The following PTDSS2 variants were observed in gnomAD, a reference collection of about 807,000 sequenced individuals.
PTDSS2 encodes the protein phosphatidylserine synthase 2, also known as PSS-2.
PTDSS2 carries 41 observed loss-of-function variants against 64.7 expected under a neutral mutation model. That is an observed-to-expected ratio of 0.63 (90% CI 0.49 to 0.82). The LOEUF is 0.82. PTDSS2 is among the 40% of genes least tolerant of loss of function. The pLI is 0.00. For synonymous variants in PTDSS2, 297 were observed against 277.8 expected, an observed-to-expected ratio of 1.07 and a Z score of -0.69; for missense variants, 485 against 650.0, an observed-to-expected ratio of 0.75 and a Z score of 2.76.
rs775006494 is a variant in PTDSS2, at chr11:487,013, C to A, written c.510C>A (p.Tyr170Ter). The A allele has an allele frequency of 1.9e-6, 3 of 1,613,544 alleles. No individual in the cohort carries two copies. The highest frequency in any genetic ancestry group is 2.5e-6 in the Non-Finnish European group (3 of 1,179,952). The change falls in exon 5 of 12, where the codon TAC (tyrosine) becomes TAA (stop). Residue 170 changes from tyrosine (Y) to a stop codon, truncating the protein, a stop_gained. Coordinates refer to ENST00000308020, the MANE Select transcript of PTDSS2 (RefSeq NM_030783.3). LOFTEE classifies it high-confidence loss of function. Reference sequence around the variant, plus strand: ...GAGTCCCACTGCCAGAGAGAGACTACGGGGGAAACTGCCTCATCTACGACC... The same window carrying A: ...GAGTCCCACTGCCAGAGAGAGACTAAGGGGGAAACTGCCTCATCTACGACC... ...KLGVPLPERD[Y>*]GGNCLIYDPD...
At chr11:471,696 G>T (rs1847449106) in intron 2 of PTDSS2, among the ~76,000 whole-genome samples, 1 of 145,992 alleles carries the variant, frequency 6.8e-6, no homozygotes, top group African/African-American at 2.5e-5. Flanking sequence ...GCGCCTGTCG[G>T]GCGGATGGTG....
intron 2 of PTDSS2, 103 bp from the exon 3 acceptor site, chr11:473,791 CA>C: frequency 1.1e-6 from 1 of 896,868 alleles, no homozygotes; most frequent in South Asian, 1.3e-5. Context: ...GCCCCAGCAT[CA>C]GGGGCTGTTC....
At chr11:473,778 C>T in intron 2 of PTDSS2, 117 bp from the exon 3 acceptor site, 1 of 824,212 alleles carries the variant, frequency 1.2e-6, no homozygotes, top group South Asian at 1.4e-5. Flanking sequence ...GCCCCTTCCT[C>T]CCGCCCCAGC....
intron 2 of PTDSS2, among the ~76,000 whole-genome samples, chr11:471,257 G>A (rs776690944): frequency 1.3e-5 from 2 of 151,780 alleles, no homozygotes; most frequent in Non-Finnish European, 2.9e-5. Flanking sequence ...CACCACACCT[G>A]GCTAATTTCT....
In PTDSS2 at chr11:460,705, G is replaced by A. The variant is rs1034582736; in HGVS notation, c.284+417G>A. ...CGGGGCTCTTGCACGGACAGGGGCCGACACGGACCGCAGACCATCTGGTCA... is the reference window on the plus strand; with the variant it reads ...CGGGGCTCTTGCACGGACAGGGGCCAACACGGACCGCAGACCATCTGGTCA... On this transcript the variant is annotated intron_variant, in intron 2 of 11. Transcript: ENST00000308020. This position sits in a 1 kb window ranked among gnomAD's most constrained non-coding sequence, Gnocchi z 5.8. 6.3e-5 allele frequency: 11 copies of A among 174,188 alleles called. No individual in the cohort carries two copies. Among genetic ancestry groups the A allele is most frequent in the Non-Finnish European group, 3.7e-5 (3 of 81,014 alleles). 10.8% of individuals were successfully genotyped at this position (174,188 alleles called of 1,614,324 possible).
intron 1 of PTDSS2, among the ~76,000 whole-genome samples, chr11:456,658 C>T (rs919199132): frequency 4.6e-5 from 7 of 152,164 alleles, no homozygotes; most frequent in African/African-American, 1.2e-4. Context: ...CAGGAGGACA[C>T]GTTCTGTAAG....
intron 2 of PTDSS2, chr11:464,020 C>T (rs1382345347): frequency 1.3e-5 from 2 of 151,364 alleles, no homozygotes; most frequent in Non-Finnish European, 2.9e-5. Context: ...GGGTCGTGCT[C>T]TGTTGCCCAG....
chr11:479,327 T>C lies in PTDSS2; in HGVS notation c.435+175T>C. The C allele has an allele frequency of 1.5e-6, 1 of 664,868 alleles. No individual in the cohort carries two copies. The highest frequency in any genetic ancestry group is 2.7e-6 in the Non-Finnish European group (1 of 372,620). 41.2% of individuals were successfully genotyped at this position (664,868 alleles called of 1,614,324 possible). Reference sequence around the variant, plus strand: ...TCTCCAGGAGCATCTGTGCGGCCCTTGAGTGATGGGGGGCAGCAAAGCTAG... The same window carrying C: ...TCTCCAGGAGCATCTGTGCGGCCCTCGAGTGATGGGGGGCAGCAAAGCTAG... On this transcript the variant is annotated intron_variant, in intron 4 of 11. Coordinates refer to ENST00000308020, the MANE Select transcript of PTDSS2 (RefSeq NM_030783.3). The surrounding 1 kb of genome is among the most constrained non-coding windows in gnomAD (Gnocchi z 4.2).
chr11:484,261 G>A (rs1035856580), intron 4 of PTDSS2, among the ~76,000 whole-genome samples: 1 of 152,142 alleles, frequency 6.6e-6, no homozygotes, highest in Non-Finnish European at 1.5e-5. Flanking sequence ...TTGGCTTTTC[G>A]TTTTGTTTTT....
At chr11:473,836 CA>C in intron 2 of PTDSS2, 58 bp from the exon 3 acceptor site, 1 of 1,340,430 alleles carries the variant, frequency 7.5e-7, no homozygotes, top group Admixed American at 1.7e-5. Flanking sequence ...TGCAGCCTCC[CA>C]CCTCCCTCCT....
chr11:475,569 G>A (rs373593865), intron 3 of PTDSS2, among the ~76,000 whole-genome samples: 7 of 152,000 alleles, frequency 4.6e-5, no homozygotes, highest in Admixed American at 6.6e-5. Flanking sequence ...ACATATTCAC[G>A]CGTTTGTGTG....
chr11:460,705 G>T lies in PTDSS2; in HGVS notation c.284+417G>T, dbSNP rs1034582736. 5.2e-5 allele frequency: 9 copies of T among 174,188 alleles called. No homozygotes were observed. Among genetic ancestry groups the T allele is most frequent in the African/African-American group, 2.1e-4 (9 of 42,312 alleles). 10.8% of individuals were successfully genotyped at this position (174,188 alleles called of 1,614,324 possible). A position where few individuals can be genotyped will look rare whatever the true frequency, so the allele number is the denominator to read the frequency against. On this transcript the variant is annotated intron_variant, in intron 2 of 11. Coordinates refer to ENST00000308020, the MANE Select transcript of PTDSS2 (RefSeq NM_030783.3). The surrounding 1 kb of genome is among the most constrained non-coding windows in gnomAD (Gnocchi z 5.8). ...CGGGGCTCTTGCACGGACAGGGGCC[G>T]ACACGGACCGCAGACCATCTGGTCA... is the stretch of plus-strand genomic sequence containing the variant.
At chr11:466,295 G>A (rs1328778758) in intron 2 of PTDSS2, among the ~76,000 whole-genome samples, 3 of 152,044 alleles carry the variant, frequency 2.0e-5, no homozygotes, top group Non-Finnish European at 4.4e-5. Context: ...TGCTGGGGAG[G>A]CCTCAGGAAA....
chr11:489,549 C>A, intron 9 of PTDSS2, 35 bp downstream of exon 9: 1 of 1,608,538 alleles, frequency 6.2e-7, no homozygotes, highest in Non-Finnish European at 8.5e-7. Flanking sequence ...GCGCGGCGGG[C>A]GGGGGGCCAG....
chr11:453,984 C>T (rs1846468427), intron 1 of PTDSS2, among the ~76,000 whole-genome samples: 1 of 152,208 alleles, frequency 6.6e-6, no homozygotes, highest in Non-Finnish European at 1.5e-5. Context: ...AGTCTGCAGG[C>T]GGGTGGGAGG....
chr11:487,957 C>T (rs973189141), intron 6 of PTDSS2, among the ~76,000 whole-genome samples: 10 of 152,330 alleles, frequency 6.6e-5, no homozygotes, highest in Admixed American at 2.6e-4. Context: ...CCAGTGCTGT[C>T]GACTCCAAGA....
Position 490,633 on chromosome 11 carries a change from C to T in PTDSS2, c.*51C>T, listed in dbSNP as rs748634012. The T allele has an allele frequency of 2.6e-6, 4 of 1,517,146 alleles. No homozygotes were observed. Among genetic ancestry groups the T allele is most frequent in the Non-Finnish European group, 3.6e-6 (4 of 1,126,674 alleles). 94.0% of individuals were successfully genotyped at this position (1,517,146 alleles called of 1,614,324 possible). On this transcript the variant is annotated 3_prime_UTR_variant, in exon 12 of 12. Transcript: ENST00000308020. Reference sequence around the variant, plus strand: ...CTCCCAGAGCCCAGGCCTCCGTGGCCTCCTCCTGTGTGAGTCCCACCAGGA... The same window carrying T: ...CTCCCAGAGCCCAGGCCTCCGTGGCTTCCTCCTGTGTGAGTCCCACCAGGA...
intron 3 of PTDSS2, among the ~76,000 whole-genome samples, chr11:474,954 CTT>C (rs1159906391): frequency 5.1e-5 from 7 of 138,018 alleles, no homozygotes; most frequent in African/African-American, 8.8e-5. Context: ...ATAATCATGT[CTT>C]TGTGTATATG....
chr11:460,587 C>T lies in PTDSS2; in HGVS notation c.284+299C>T, dbSNP rs958971709. The T allele has an allele frequency of 2.0e-5, 7 of 344,350 alleles. No individual in the cohort carries two copies. The highest frequency in any genetic ancestry group is 4.2e-5 in the African/African-American group (2 of 47,920). 21.3% of individuals were successfully genotyped at this position (344,350 alleles called of 1,614,324 possible). A position where few individuals can be genotyped will look rare whatever the true frequency, so the allele number is the denominator to read the frequency against. On this transcript the variant is annotated intron_variant, in intron 2 of 11. Transcript: ENST00000308020. This position sits in a 1 kb window ranked among gnomAD's most constrained non-coding sequence, Gnocchi z 5.8. ...TGAGTTTTGCATGTTGAGGTTGGAA[C>T]GAGCTGCAGCAGCTACAGGGCTGAG...
Sources: gnomAD v4.1 joint callset for allele counts (sites outside exome capture counted in the v4.1 genomes callset) on GRCh38, gnomAD v4.1.1 for gene constraint, Gnocchi (gnomAD v3.1) non-coding constraint, MANE v1.5 for transcripts, NCBI Gene and HGNC (gene_info 2026-07-23, HGNC 2026-07-21) for gene names.